The following AMD1 variants were observed in gnomAD, a reference collection of about 807,000 sequenced individuals.
AMD1 encodes adenosylmethionine decarboxylase 1.
Under a neutral mutation model 40.2 loss-of-function variants are expected in AMD1, and 11 were observed. The observed-to-expected ratio is 0.27, with a 90% confidence interval of 0.17 to 0.45. The LOEUF (loss-of-function observed/expected upper bound fraction) is 0.45. Ranked by LOEUF, AMD1 falls within the 20% of genes least tolerant of loss-of-function variation. The probability of loss-of-function intolerance (pLI) is 1.00; values close to 1 mark genes in which losing one functional copy is unlikely to be tolerated. For synonymous variants in AMD1, 121 were observed against 130.8 expected (o/e 0.93, Z 0.51); for missense variants, 257 against 410.2 (o/e 0.63, Z 3.23).
the AMD1 span, among the ~76,000 whole-genome samples, chr6:110,837,477 G>A: frequency 2.8e-4 from 43 of 151,410 alleles, no homozygotes; most frequent in African/African-American, 8.0e-4. Flanking sequence ...TTGGGAGGCC[G>A]AGGCAGATGG....
chr6:110,822,597 T>TA, the AMD1 span, among the ~76,000 whole-genome samples: 8 of 151,806 alleles, frequency 5.3e-5, no homozygotes, highest in Admixed American at 3.3e-4. Flanking sequence ...AAGGACATTT[T>TA]AAAAAAAAGA....
At position 110,892,730 on chromosome 6, in the gene AMD1, C is replaced by T. The variant is rs373742423; in HGVS notation, c.616-5C>T. 1.9e-6 allele frequency: 3 copies of T among 1,612,024 alleles called. No homozygotes were observed. Among genetic ancestry groups the T allele is most frequent in the East Asian group, 4.5e-5 (2 of 44,850 alleles). ...TTGTTAAACTCGGTCTTTTTCCCCC[C>T]CCAGGAGAGTGGAATTCGTGACCTG... On this transcript the variant is annotated splice_region_variant and splice_polypyrimidine_tract_variant and intron_variant, in intron 6 of 8. Coordinates refer to ENST00000368885, the MANE Select transcript of AMD1 (RefSeq NM_001634.6).
At chr6:110,852,984 T>A in the AMD1 span, among the ~76,000 whole-genome samples, 1 of 89,234 alleles carries the variant, frequency 1.1e-5, no homozygotes, top group African/African-American at 3.8e-5. Context: ...ATTAAGCACT[T>A]TTTTTTTTTT....
At chr6:110,848,514 G>A in the AMD1 span, 202 of 263,732 alleles carry the variant, frequency 7.7e-4, 1 homozygote, top group African/African-American at 4.4e-3. Context: ...GTGAGACTCC[G>A]TGTTAGCAAA....
At chr6:110,814,948 C>T in the AMD1 span, 1 of 1,593,282 alleles carries the variant, frequency 6.3e-7, no homozygotes, top group Non-Finnish European at 8.5e-7. Context: ...CCACCCATCC[C>T]GCCAGGTCGC....
At chr6:110,855,587 TG>T in the AMD1 span, among the ~76,000 whole-genome samples, 2 of 152,150 alleles carry the variant, frequency 1.3e-5, no homozygotes, top group Non-Finnish European at 2.9e-5. Flanking sequence ...AGGTGTCTCT[TG>T]TCTAGGACAT....
At chr6:110,833,811 C>T in the AMD1 span, among the ~76,000 whole-genome samples, 5 of 151,878 alleles carry the variant, frequency 3.3e-5, no homozygotes, top group African/African-American at 7.3e-5. Context: ...CTCAGGAGTT[C>T]GAGACCAGCC....
the AMD1 span, among the ~76,000 whole-genome samples, chr6:110,818,749 G>C: frequency 2.0e-5 from 3 of 152,176 alleles, no homozygotes; most frequent in Non-Finnish European, 2.9e-5. Context: ...TGTTGGCCAG[G>C]CTGGTCTTGA....
In AMD1 at chr6:110,892,806, G is replaced by A. The variant is rs142757187; in HGVS notation, c.687G>A (p.Ser229=). 54 of 1,613,996 alleles carry A rather than the reference G, an allele frequency of 3.3e-5. No homozygotes were observed. In the East Asian group the frequency reaches 3.8e-4, roughly 11 times the overall value. ...DATMFNPCGY[S]MNGMKSDGTY... Reference sequence around the variant, plus strand: ...CAATGTTCAATCCTTGTGGGTATTCGATGAATGGAATGAAATCGGATGTGA... The same window carrying A: ...CAATGTTCAATCCTTGTGGGTATTCAATGAATGGAATGAAATCGGATGTGA... The change falls in exon 7 of 9, where the codon TCG becomes TCA. Residue 229 remains serine (S), a synonymous_variant. Transcript: ENST00000368885.
chr6:110,882,633 T>A (rs1785471634), intron 1 of AMD1, among the ~76,000 whole-genome samples: 1 of 152,238 alleles, frequency 6.6e-6, no homozygotes, highest in African/African-American at 2.4e-5. Flanking sequence ...TTATTTTTCT[T>A]GAGCTTAGTA....
the AMD1 span, among the ~76,000 whole-genome samples, chr6:110,862,552 T>C: frequency 3.3e-5 from 5 of 151,662 alleles, no homozygotes; most frequent in Non-Finnish European, 7.4e-5. Flanking sequence ...CTGCAACCTC[T>C]ACCTCCTGGG....
the AMD1 span, among the ~76,000 whole-genome samples, chr6:110,866,358 C>T: frequency 1.3e-5 from 2 of 152,172 alleles, no homozygotes; most frequent in Non-Finnish European, 2.9e-5. Flanking sequence ...CCCCTTGGCC[C>T]TCTGAAGGTT....
the AMD1 span, among the ~76,000 whole-genome samples, chr6:110,845,003 A>G: frequency 8.6e-5 from 13 of 150,982 alleles, 1 homozygote; most frequent in East Asian, 2.6e-3. Flanking sequence ...AAGCAAGCGC[A>G]AGCACGAGAC....
the AMD1 span, among the ~76,000 whole-genome samples, chr6:110,842,599 C>T: frequency 4.6e-5 from 7 of 152,086 alleles, no homozygotes; most frequent in African/African-American, 1.7e-4. Flanking sequence ...TAGTAGTAGT[C>T]GTTTTCTGCC....
At chr6:110,879,443 G>A (rs1329487865) in intron 1 of AMD1, among the ~76,000 whole-genome samples, 1 of 152,182 alleles carries the variant, frequency 6.6e-6, no homozygotes, top group Non-Finnish European at 1.5e-5. Context: ...GGAGTATCCC[G>A]ATTTGGGGTA....
Position 110,895,054 on chromosome 6 carries a change from T to C in AMD1, c.*1438T>C, listed in dbSNP as rs1786231528. The stretch of plus-strand genomic sequence containing the variant: ...GTACCTTTTAGCTATATTTGCAGAT[T>C]CTCTGGGATTTTAAGGAACTGAGAA... On this transcript the variant is annotated 3_prime_UTR_variant, in exon 9 of 9. Coordinates refer to ENST00000368885, the MANE Select transcript of AMD1 (RefSeq NM_001634.6). The C allele has an allele frequency of 6.6e-6, 1 of 152,222 alleles. No individual in the cohort carries two copies. The highest frequency in any genetic ancestry group is 1.5e-5 in the Non-Finnish European group (1 of 68,042). 9.4% of individuals were successfully genotyped at this position (152,222 alleles called of 1,614,324 possible).
At chr6:110,886,166 T>G (rs1415091709) in intron 1 of AMD1, among the ~76,000 whole-genome samples, 1 of 146,294 alleles carries the variant, frequency 6.8e-6, no homozygotes, top group African/African-American at 2.5e-5. Context: ...GAGGTTGCAG[T>G]GAGCAGAGAT....
chr6:110,875,075 T>G lies in AMD1; in HGVS notation c.-31T>G. On this transcript the variant is annotated 5_prime_UTR_variant, in exon 1 of 9. Transcript: ENST00000368885. ...GAGGTTTAATTTAGTTGATTTTCTG[T>G]GGTTGTTGGTTGTTCGCTAGTCTCA... is the stretch of plus-strand genomic sequence containing the variant. The G allele has an allele frequency of 6.5e-7, 1 of 1,540,742 alleles. No homozygotes were observed. The highest frequency in any genetic ancestry group is 8.9e-7 in the Non-Finnish European group (1 of 1,121,162).
chr6:110,819,015 T>C, the AMD1 span, among the ~76,000 whole-genome samples: 1 of 152,150 alleles, frequency 6.6e-6, no homozygotes, highest in Admixed American at 6.5e-5. Flanking sequence ...TCAGGTTCAA[T>C]TGGAGGAAGG....
Sources: allele counts gnomAD v4.1 joint callset (sites outside exome capture counted in the v4.1 genomes callset), GRCh38; gene constraint gnomAD v4.1.1; transcripts MANE v1.5; gene names NCBI Gene and HGNC (gene_info 2026-07-23, HGNC 2026-07-21).